The following RIC8B variants were observed in gnomAD, a reference collection of about 807,000 sequenced individuals.
RIC8B encodes the protein RIC8 guanine nucleotide exchange factor B.
A neutral mutation model predicts 57.5 loss-of-function variants in RIC8B; 16 were observed. The ratio of observed to expected loss-of-function variants is 0.28; its 90% CI spans 0.19 to 0.42. RIC8B has a LOEUF of 0.42. Ranked by LOEUF, RIC8B falls within the 10% of genes least tolerant of loss-of-function variation. RIC8B has a pLI of 1.00. For missense variants in RIC8B, 481 were observed against 677.0 expected (o/e 0.71, Z 3.21); for synonymous variants, 216 against 250.8 (o/e 0.86, Z 1.31).
At chr12:106,824,599 A>G (rs189061956) in intron 3 of RIC8B, among the ~76,000 whole-genome samples, 1 of 152,276 alleles carries the variant, frequency 6.6e-6, no homozygotes, top group East Asian at 1.9e-4. Flanking sequence ...AATCGATGAT[A>G]TATTAAGAAG....
chr12:106,780,804 G>A (rs2043731663), intron 1 of RIC8B, among the ~76,000 whole-genome samples: 1 of 152,146 alleles, frequency 6.6e-6, no homozygotes, highest in Non-Finnish European at 1.5e-5. Context: ...CTCTCTAATA[G>A]GTCAATATTT....
At chr12:106,817,578 G>T (rs967705261) in intron 3 of RIC8B, among the ~76,000 whole-genome samples, 45 of 152,080 alleles carry the variant, frequency 3.0e-4, no homozygotes, top group African/African-American at 1.1e-3. Context: ...CCAGCACTTT[G>T]GGAGGCCGAG....
intron 9 of RIC8B, among the ~76,000 whole-genome samples, chr12:106,884,405 G>T (rs1463974299): frequency 1.3e-5 from 2 of 152,098 alleles, no homozygotes; most frequent in Non-Finnish European, 2.9e-5. Flanking sequence ...GATGTGGTGG[G>T]CTGCAAAGAT....
chr12:106,833,997 A>G (rs2046474622), intron 4 of RIC8B, among the ~76,000 whole-genome samples: 1 of 152,160 alleles, frequency 6.6e-6, no homozygotes, highest in African/African-American at 2.4e-5. Flanking sequence ...TTCCACCATG[A>G]TTGTAAGCTT....
intron 8 of RIC8B, among the ~76,000 whole-genome samples, chr12:106,866,596 A>G (rs893899437): frequency 6.6e-6 from 1 of 151,956 alleles, no homozygotes; most frequent in Admixed American, 6.6e-5. Flanking sequence ...GGGGTTGCAA[A>G]TTGTCTAGAT....
At chr12:106,853,735 G>C (rs1019418709) in intron 7 of RIC8B, among the ~76,000 whole-genome samples, 1 of 151,646 alleles carries the variant, frequency 6.6e-6, no homozygotes, top group African/African-American at 2.4e-5. Flanking sequence ...CCAAAGTGCT[G>C]GTATTACAGG....
At chr12:106,881,492 T>C (rs920093685) in intron 9 of RIC8B, among the ~76,000 whole-genome samples, 9 of 151,972 alleles carry the variant, frequency 5.9e-5, no homozygotes, top group African/African-American at 2.2e-4. Flanking sequence ...GCCATTACAG[T>C]CTGGCCCCTG....
In RIC8B at chr12:106,839,307, C is replaced by A. The variant is rs186483792; in HGVS notation, c.837-3282C>A. ...CAGTCAGATGAATGGATAAAATGTG[C>A]GTATATATGTATACACACACAGAGC... On this transcript the variant is annotated intron_variant, in intron 4 of 9. Transcript: ENST00000392837. Among the ~76,000 whole-genome samples, 6 of 152,092 alleles carry A rather than the reference C, an allele frequency of 3.9e-5. No homozygotes were observed. The East Asian group carries it at 9.7e-4, about 24-fold the overall frequency.
At chr12:106,816,639 G>T (rs550821260) in intron 3 of RIC8B, among the ~76,000 whole-genome samples, 6 of 152,146 alleles carry the variant, frequency 3.9e-5, no homozygotes, top group Non-Finnish European at 8.8e-5. Context: ...GTTTGCCATT[G>T]TTAGAGCCCC....
intron 8 of RIC8B, among the ~76,000 whole-genome samples, chr12:106,864,705 AT>A (rs1454762565): frequency 2.6e-5 from 4 of 152,246 alleles, no homozygotes; most frequent in African/African-American, 9.6e-5. Flanking sequence ...CAAATTTGCC[AT>A]TTTAATCAGC....
intron 3 of RIC8B, among the ~76,000 whole-genome samples, chr12:106,819,921 A>C (rs980656355): frequency 6.6e-6 from 1 of 152,006 alleles, no homozygotes; most frequent in African/African-American, 2.4e-5. Flanking sequence ...TTGCTGTTTT[A>C]AATTCTAATG....
At chr12:106,805,003 A>G (rs2044942232) in intron 2 of RIC8B, among the ~76,000 whole-genome samples, 1 of 152,214 alleles carries the variant, frequency 6.6e-6, no homozygotes, top group Non-Finnish European at 1.5e-5. Flanking sequence ...ATTAGAGAGT[A>G]GATTATTGTG....
chr12:106,834,351 A>C (rs2046490172), intron 4 of RIC8B, among the ~76,000 whole-genome samples: 1 of 152,236 alleles, frequency 6.6e-6, no homozygotes, highest in South Asian at 2.1e-4. Flanking sequence ...GAATTATTTA[A>C]AACAGTTTGT....
intron 2 of RIC8B, among the ~76,000 whole-genome samples, chr12:106,811,248 T>C (rs2045321316): frequency 6.6e-6 from 1 of 152,256 alleles, no homozygotes. Flanking sequence ...TGCTTTTCTG[T>C]GTTCGTCTGG....
intron 2 of RIC8B, among the ~76,000 whole-genome samples, chr12:106,793,397 A>G (rs996094788): frequency 2.6e-5 from 4 of 152,228 alleles, no homozygotes; most frequent in African/African-American, 9.6e-5. Flanking sequence ...GGAGAAGTTC[A>G]TGCCTAAGGG....
At chr12:106,777,943 G>A (rs199684275) in intron 1 of RIC8B, among the ~76,000 whole-genome samples, 1 of 152,162 alleles carries the variant, frequency 6.6e-6, no homozygotes, top group Non-Finnish European at 1.5e-5. Flanking sequence ...TTAATGGCTT[G>A]TGTGACCCTA....
intron 2 of RIC8B, among the ~76,000 whole-genome samples, chr12:106,787,604 A>G (rs1167982362): frequency 6.6e-6 from 1 of 152,128 alleles, no homozygotes; most frequent in Non-Finnish European, 1.5e-5. Flanking sequence ...CCTCAGAATC[A>G]TGGTGGGAGG....
At chr12:106,797,306 A>C (rs574885653) in intron 2 of RIC8B, among the ~76,000 whole-genome samples, 11 of 152,268 alleles carry the variant, frequency 7.2e-5, no homozygotes, top group Non-Finnish European at 1.3e-4. Flanking sequence ...ACAATGAAAT[A>C]TTTGACCATA....
chr12:106,775,660 T>G (rs1189218937), intron 1 of RIC8B, among the ~76,000 whole-genome samples: 4 of 152,242 alleles, frequency 2.6e-5, no homozygotes, highest in Non-Finnish European at 5.9e-5. Context: ...TTGTTATAAA[T>G]CCCAGTCACT....
Sources: allele counts gnomAD v4.1 joint callset (sites outside exome capture counted in the v4.1 genomes callset), GRCh38; gene constraint gnomAD v4.1.1; transcripts MANE v1.5; gene names NCBI Gene and HGNC (gene_info 2026-07-23, HGNC 2026-07-21).